Variants in SLC25A48 observed in about 807,000 individuals in gnomAD.
SLC25A48 encodes solute carrier family 25 member 48.
Under a neutral mutation model 32.2 loss-of-function variants are expected in SLC25A48, and 29 were observed. That is an observed-to-expected ratio of 0.90 (90% CI 0.67 to 1.23). The LOEUF is 1.23. Ranked by LOEUF, SLC25A48 falls within the 50% of genes most tolerant of loss-of-function variation. The pLI is 0.00. For synonymous variants in SLC25A48, 164 were observed against 172.3 expected, an observed-to-expected ratio of 0.95 and a Z score of 0.38; for missense variants, 399 against 422.7, an observed-to-expected ratio of 0.94 and a Z score of 0.49.
intron 6 of SLC25A48, chr5:135,876,128 C>CTTTTTTTTTTTTTTTT (rs1402681382): frequency 2.1e-5 from 1 of 47,862 alleles, no homozygotes; most frequent in African/African-American, 7.8e-5. Context: ...TTTTTTTCTT[C>CTTTTTTTTTTTTTTTT]TTCTTTTTTT....
At chr5:135,788,013 C>G (rs914716481) in intron 3 of SLC25A48, among the ~76,000 whole-genome samples, 3 of 151,894 alleles carry the variant, frequency 2.0e-5, no homozygotes, top group Non-Finnish European at 2.9e-5. Flanking sequence ...GTTGTAATTT[C>G]TGTATATTAT....
chr5:135,715,715 T>G (rs1009603786), intron 3 of SLC25A48, among the ~76,000 whole-genome samples: 56 of 152,248 alleles, frequency 3.7e-4, no homozygotes, highest in African/African-American at 1.3e-3. Context: ...GTCAGCTCTA[T>G]GCTAATGCCT....
chr5:135,759,724 C>G (rs554985591), intron 3 of SLC25A48, among the ~76,000 whole-genome samples: 2 of 152,052 alleles, frequency 1.3e-5, no homozygotes, highest in African/African-American at 2.4e-5. Context: ...TAGCATAATG[C>G]TAAAAGCAAA....
At chr5:135,857,809 C>T (rs546403497) in intron 4 of SLC25A48, among the ~76,000 whole-genome samples, 2 of 152,284 alleles carry the variant, frequency 1.3e-5, no homozygotes, top group East Asian at 1.9e-4. Flanking sequence ...GAGGGCCACT[C>T]AGGTCTGCCT....
intron 4 of SLC25A48, among the ~76,000 whole-genome samples, chr5:135,870,156 C>T (rs1049372016): frequency 2.0e-5 from 3 of 152,184 alleles, no homozygotes; most frequent in East Asian, 1.9e-4. Context: ...GCCTGTTTAC[C>T]AGCATGTGTA....
chr5:135,840,034 A>G (rs1758859206), intron 1 of SLC25A48, among the ~76,000 whole-genome samples: 1 of 152,236 alleles, frequency 6.6e-6, no homozygotes, highest in East Asian at 1.9e-4. Flanking sequence ...GAACAAACTA[A>G]TACAAAGGGC....
intron 4 of SLC25A48, among the ~76,000 whole-genome samples, 192 bp from the exon 5 acceptor site, chr5:135,871,269 G>A (rs1761621068): frequency 6.6e-6 from 1 of 152,218 alleles, no homozygotes; most frequent in Non-Finnish European, 1.5e-5. Context: ...CAGTCTGGCT[G>A]TGTATATTGG....
At chr5:135,716,684 G>T (rs1754807344) in intron 3 of SLC25A48, among the ~76,000 whole-genome samples, 1 of 152,182 alleles carries the variant, frequency 6.6e-6, no homozygotes, top group African/African-American at 2.4e-5. Flanking sequence ...AAATAAAAAG[G>T]CAGTCCCTGA....
intron 1 of SLC25A48, among the ~76,000 whole-genome samples, chr5:135,840,074 T>C (rs1758864659): frequency 6.6e-6 from 1 of 152,214 alleles, no homozygotes; most frequent in African/African-American, 2.4e-5. Flanking sequence ...TAGGGCAGCC[T>C]TGGTTCTCTT....
At chr5:135,880,486 C>T (rs1762387989) in intron 7 of SLC25A48, among the ~76,000 whole-genome samples, 1 of 152,180 alleles carries the variant, frequency 6.6e-6, no homozygotes. Context: ...GTCTCCCCAC[C>T]TCCCTACTGA....
chr5:135,704,412 A>G (rs1405663920), intron 3 of SLC25A48, among the ~76,000 whole-genome samples: 2 of 152,164 alleles, frequency 1.3e-5, no homozygotes, highest in Non-Finnish European at 2.9e-5. Context: ...TTGACTAGGG[A>G]TGGTGACAAC....
intron 1 of SLC25A48, among the ~76,000 whole-genome samples, chr5:135,620,794 C>G (rs1357711812): frequency 6.6e-6 from 1 of 152,134 alleles, no homozygotes; most frequent in African/African-American, 2.4e-5. Flanking sequence ...TAGAGCAATG[C>G]AGTCTCCAGG....
intron 1 of SLC25A48, among the ~76,000 whole-genome samples, chr5:135,589,376 A>G (rs1484789751): frequency 1.3e-5 from 2 of 152,320 alleles, no homozygotes; most frequent in East Asian, 1.9e-4. Flanking sequence ...GAACTGTGTC[A>G]TGGTTGTCAC....
At chr5:135,852,233 G>T (rs1361993545) in intron 3 of SLC25A48, among the ~76,000 whole-genome samples, 1 of 152,114 alleles carries the variant, frequency 6.6e-6, no homozygotes, top group South Asian at 2.1e-4. Context: ...TGCTCCTAAG[G>T]TCTCCTCAGG....
At chr5:135,797,564 A>G (rs1447753363) in intron 3 of SLC25A48, among the ~76,000 whole-genome samples, 1 of 151,936 alleles carries the variant, frequency 6.6e-6, no homozygotes, top group African/African-American at 2.4e-5. Flanking sequence ...CAGATGGTAT[A>G]CACAGTTTCT....
At chr5:135,675,016 C>G (rs570222553) in intron 3 of SLC25A48, among the ~76,000 whole-genome samples, 2 of 152,032 alleles carry the variant, frequency 1.3e-5, no homozygotes, top group South Asian at 4.1e-4. Context: ...TCGCCAGCAT[C>G]TGTTACTTTT....
At chr5:135,618,161 A>G (rs1561759971) in intron 1 of SLC25A48, among the ~76,000 whole-genome samples, 2 of 152,112 alleles carry the variant, frequency 1.3e-5, no homozygotes, top group Non-Finnish European at 2.9e-5. Context: ...CCTTTATCAT[A>G]CAATGACCTT....
At chr5:135,647,079 A>G (rs940170785) in intron 3 of SLC25A48, among the ~76,000 whole-genome samples, 3 of 6,148 alleles carry the variant, frequency 4.9e-4, no homozygotes, top group South Asian at 0.023. Flanking sequence ...TCATTTCGCA[A>G]TGTGTACTTA....
intron 2 of SLC25A48, among the ~76,000 whole-genome samples, chr5:135,630,353 C>T (rs989969957): frequency 1.3e-5 from 2 of 152,172 alleles, no homozygotes; most frequent in Admixed American, 6.5e-5. Context: ...CTTGAACACT[C>T]AGCCCCATGA....
Sources: gnomAD v4.1 joint callset for allele counts (sites outside exome capture counted in the v4.1 genomes callset) on GRCh38, gnomAD v4.1.1 for gene constraint, MANE v1.5 for transcripts, NCBI Gene and HGNC (gene_info 2026-07-23, HGNC 2026-07-21) for gene names.